Variants in FLRT2 observed in about 807,000 individuals in gnomAD.
FLRT2 encodes the protein fibronectin leucine rich transmembrane protein 2.
A neutral mutation model predicts 40.0 loss-of-function variants in FLRT2; 15 were observed. The observed-to-expected ratio is 0.38, with a 90% CI of 0.25 to 0.58. FLRT2 has a LOEUF of 0.58. FLRT2 is among the 20% of genes least tolerant of loss of function. The pLI is 0.71. For synonymous variants in FLRT2, 380 were observed against 336.8 expected, an observed-to-expected ratio of 1.13 and a Z score of -1.41; for missense variants, 726 against 840.0, an observed-to-expected ratio of 0.86 and a Z score of 1.68.
intron 1 of FLRT2, among the ~76,000 whole-genome samples, chr14:85,540,419 A>G (rs1020615189): frequency 1.3e-5 from 2 of 152,126 alleles, no homozygotes; most frequent in Non-Finnish European, 2.9e-5. Context: ...ACTATTGTCA[A>G]ATCTGAGACT....
intron 1 of FLRT2, among the ~76,000 whole-genome samples, chr14:85,568,416 T>G (rs1282719395): frequency 6.6e-6 from 1 of 152,186 alleles, no homozygotes; most frequent in Non-Finnish European, 1.5e-5. Flanking sequence ...GGACCATGTG[T>G]AAGGCGTTAA....
rs1312444126 is a variant in FLRT2, at chr14:85,648,768, C to G, written c.*25271C>G. On this transcript the variant is annotated 3_prime_UTR_variant, in exon 2 of 2. Coordinates refer to ENST00000330753, the MANE Select transcript of FLRT2 (RefSeq NM_013231.6). ...CATAGGACTCCACCAAGGATGCCAA[C>G]TCTAAGTGGTCATTTACCTCTGTGA... is the stretch of plus-strand genomic sequence containing the variant. 2.0e-5 allele frequency: 3 copies of G among 152,148 alleles called. No individual in the cohort carries two copies. The highest frequency in any genetic ancestry group is 4.4e-5 in the Non-Finnish European group (3 of 68,032). The allele number at this position is 152,148 out of a possible 1,614,324, so 9.4% of individuals were successfully genotyped here. A position where few individuals can be genotyped will look rare whatever the true frequency, so the allele number is the denominator to read the frequency against.
rs1263829616 is a variant in FLRT2, at chr14:85,622,382, A to G, written c.868A>G (p.Met290Val). The change falls in exon 2 of 2, where the codon ATG becomes GTG. Residue 290 changes from methionine (M) to valine (V), a missense_variant. Physicochemically the swap from Met to Val is conservative, Grantham distance 21. Coordinates refer to ENST00000330753, the MANE Select transcript of FLRT2 (RefSeq NM_013231.6). ...GGATATATCCAACAACCAACTGCGG[A>G]TGCTGACTCAAGGGGTTTTTGATAA... ...RLDISNNQLR[M>V]LTQGVFDNLS... The G allele has an allele frequency of 6.2e-7, 1 of 1,614,158 alleles. No homozygotes were observed.
At chr14:85,608,632 T>G (rs184606769) in intron 1 of FLRT2, among the ~76,000 whole-genome samples, 2 of 152,224 alleles carry the variant, frequency 1.3e-5, no homozygotes, top group African/African-American at 4.8e-5. Flanking sequence ...CTAGCAATAT[T>G]CGTGAGTTAA....
rs548248710 is a variant in FLRT2, at chr14:85,624,503, T to G, written c.*1006T>G. The G allele has an allele frequency of 6.0e-6, 1 of 167,198 alleles. No individual in the cohort carries two copies. Among genetic ancestry groups the G allele is most frequent in the African/African-American group, 2.4e-5 (1 of 41,586 alleles). The allele number at this position is 167,198 out of a possible 1,614,324, so 10.4% of individuals were successfully genotyped here. A position where few individuals can be genotyped will look rare whatever the true frequency, so the allele number is the denominator to read the frequency against. ...AATGTTTGGAAAATACAACAATGAC[T>G]TATTTAAAAATTACCCTTCCTGCTA... On this transcript the variant is annotated 3_prime_UTR_variant, in exon 2 of 2. Coordinates refer to ENST00000330753, the MANE Select transcript of FLRT2 (RefSeq NM_013231.6).
At chr14:85,533,729 C>T (rs1888450414) in intron 1 of FLRT2, among the ~76,000 whole-genome samples, 1 of 151,920 alleles carries the variant, frequency 6.6e-6, no homozygotes, top group African/African-American at 2.4e-5. Context: ...TGCCGCAGCT[C>T]CGTAGGGGAC....
chr14:85,585,770 T>C (rs144013289), intron 1 of FLRT2, among the ~76,000 whole-genome samples: 16 of 152,174 alleles, frequency 1.1e-4, no homozygotes, highest in Non-Finnish European at 1.6e-4. Context: ...AAAGGAGATA[T>C]AAAGCTACAA....
rs533871004 is a variant in FLRT2 at position 85,622,500 on chromosome 14, C to T, written c.986C>T (p.Pro329Leu). The T allele has an allele frequency of 6.2e-7, 1 of 1,614,022 alleles. No individual in the cohort carries two copies. The highest frequency in any genetic ancestry group is 1.1e-5 in the South Asian group (1 of 91,074). Residue 329 changes from proline (P) to leucine (L), a missense_variant, in exon 2 of 2, where the codon CCT becomes CTT. Physicochemically the swap from Pro to Leu is moderately conservative, Grantham distance 98. Transcript: ENST00000330753. ...GTCACAGAATGGCTCAAATATATCC[C>T]TTCATCTCTCAACGTGCGGGGTTTC... Reference protein sequence around the residue: ...KWVTEWLKYIPSSLNVRGFMC... With the variant: ...KWVTEWLKYILSSLNVRGFMC...
At position 85,640,907 on chromosome 14, in the gene FLRT2, C is replaced by T. The variant is rs560764464; in HGVS notation, c.*17410C>T. On this transcript the variant is annotated 3_prime_UTR_variant, in exon 2 of 2. Transcript: ENST00000330753. ...ATCGCCTCTGTGAAAATCCTGACCT[C>T]GCTTTCTTCTGGCCTTTCTTCCCCG... is the stretch of plus-strand genomic sequence containing the variant. The T allele has an allele frequency of 2.6e-5, 4 of 152,352 alleles. No individual in the cohort carries two copies. The East Asian group carries it at 5.8e-4, about 22-fold the overall frequency. 9.4% of individuals were successfully genotyped at this position (152,352 alleles called of 1,614,324 possible). A position where few individuals can be genotyped will look rare whatever the true frequency, so the allele number is the denominator to read the frequency against.
chr14:85,622,103 G>T lies in FLRT2; in HGVS notation c.589G>T (p.Asp197Tyr), dbSNP rs917154794. 2.5e-6 allele frequency: 4 copies of T among 1,614,024 alleles called. No homozygotes were observed. The South Asian group carries it at 4.4e-5, about 18-fold the overall frequency. The change falls in exon 2 of 2, where the codon GAC becomes TAC. Residue 197 changes from aspartate (D) to tyrosine (Y), a missense_variant. Around this residue, in one of 3 missense-constraint regions of FLRT2, gnomAD observed 611 missense variants for 690.0 expected, o/e 0.89. Transcript: ENST00000330753. Reference sequence around the variant, plus strand: ...TGAAAATCGAATTGCTGTCATATCCGACATGGCCTTCCAGAATCTCACGAG... The same window carrying T: ...TGAAAATCGAATTGCTGTCATATCCTACATGGCCTTCCAGAATCTCACGAG... Reference protein sequence around the residue: ...VDENRIAVISDMAFQNLTSLE... With the variant: ...VDENRIAVISYMAFQNLTSLE...
intron 1 of FLRT2, among the ~76,000 whole-genome samples, chr14:85,532,488 G>C (rs545028717): frequency 6.6e-6 from 1 of 152,312 alleles, no homozygotes; most frequent in Admixed American, 6.5e-5. Context: ...TTTGGAAAGA[G>C]ACTGCGAAGT....
chr14:85,541,003 A>G (rs1305617543), intron 1 of FLRT2, among the ~76,000 whole-genome samples: 2 of 152,158 alleles, frequency 1.3e-5, no homozygotes, highest in Non-Finnish European at 2.9e-5. Context: ...AGTCTTATGT[A>G]CTATGGGGAG....
rs914402758 is a variant in FLRT2, at chr14:85,648,848, T to G, written c.*25351T>G. ...GTTATAAGATCCAGGAATTTAATAA[T>G]TTATTTTGATAAGGACTTAACACAA... is the stretch of plus-strand genomic sequence containing the variant. On this transcript the variant is annotated 3_prime_UTR_variant, in exon 2 of 2. Transcript: ENST00000330753. The G allele has an allele frequency of 1.3e-5, 2 of 152,174 alleles. No individual in the cohort carries two copies. The highest frequency in any genetic ancestry group is 4.8e-5 in the African/African-American group (2 of 41,456). 9.4% of individuals were successfully genotyped at this position (152,174 alleles called of 1,614,324 possible).
rs1436877086 is a variant in FLRT2 at position 85,633,334 on chromosome 14, T to C, written c.*9837T>C. On this transcript the variant is annotated 3_prime_UTR_variant, in exon 2 of 2. Transcript: ENST00000330753. ...TGGTGTGTGGGATCATTGAACAACA[T>C]GGTTGAACAGAAAGAGAACAGACTT... is the stretch of plus-strand genomic sequence containing the variant. The C allele has an allele frequency of 1.3e-5, 2 of 152,054 alleles. No homozygotes were observed. Among genetic ancestry groups the C allele is most frequent in the African/African-American group, 2.4e-5 (1 of 41,398 alleles). 9.4% of individuals were successfully genotyped at this position (152,054 alleles called of 1,614,324 possible). A position where few individuals can be genotyped will look rare whatever the true frequency, so the allele number is the denominator to read the frequency against.
chr14:85,644,180 G>T lies in FLRT2; in HGVS notation c.*20683G>T, dbSNP rs1023067003. 10 of 151,996 alleles carry T rather than the reference G, an allele frequency of 6.6e-5. No individual in the cohort carries two copies. Among genetic ancestry groups the T allele is most frequent in the African/African-American group, 2.4e-4 (10 of 41,362 alleles). The allele number at this position is 151,996 out of a possible 1,614,324, so 9.4% of individuals were successfully genotyped here. On this transcript the variant is annotated 3_prime_UTR_variant, in exon 2 of 2. Coordinates refer to ENST00000330753, the MANE Select transcript of FLRT2 (RefSeq NM_013231.6). ...CTATGAAGTAGTTGGCTATGTTTTG[G>T]AGAATATACAATTAATGTAAGTTTA...
intron 1 of FLRT2, among the ~76,000 whole-genome samples, chr14:85,540,090 T>C (rs140221630): frequency 6.6e-6 from 1 of 152,310 alleles, no homozygotes; most frequent in East Asian, 1.9e-4. Context: ...AAATCATCAA[T>C]GTTTTCTGAA....
rs868652740 is a variant in FLRT2, at chr14:85,601,491, G to A, written c.-376-19648G>A. Among the ~76,000 whole-genome samples the A allele has an allele frequency of 3.9e-5, 6 of 152,182 alleles. No individual in the cohort carries two copies. The South Asian group carries it at 1.2e-3, about 32-fold the overall frequency. On this transcript the variant is annotated intron_variant, in intron 1 of 1. Transcript: ENST00000330753. ...AGACAGCAGGCTGTCCTAGCAGCTG[G>A]TGAATGGCAAGCTGCAATGGATTAA...
rs1369555092 is a variant in FLRT2 at position 85,639,452 on chromosome 14, C to G, written c.*15955C>G. 1.3e-5 allele frequency: 2 copies of G among 151,984 alleles called. No homozygotes were observed. The highest frequency in any genetic ancestry group is 1.5e-5 in the Non-Finnish European group (1 of 68,014). The allele number at this position is 151,984 out of a possible 1,614,324, so 9.4% of individuals were successfully genotyped here. On this transcript the variant is annotated 3_prime_UTR_variant, in exon 2 of 2. Coordinates refer to ENST00000330753, the MANE Select transcript of FLRT2 (RefSeq NM_013231.6). The stretch of plus-strand genomic sequence containing the variant: ...AAAGGTCATTAGGCATTCAAGGTAC[C>G]ACATTTACTTTCTACAATGCAAGTA...
At chr14:85,613,578 A>C (rs1892995532) in intron 1 of FLRT2, among the ~76,000 whole-genome samples, 1 of 152,216 alleles carries the variant, frequency 6.6e-6, no homozygotes, top group African/African-American at 2.4e-5. Flanking sequence ...AAGATGTCAA[A>C]GAGTTTTTGC....
Sources: allele counts gnomAD v4.1 joint callset (sites outside exome capture counted in the v4.1 genomes callset), GRCh38; gene constraint gnomAD v4.1.1; regional missense constraint gnomAD v4.1.1; transcripts MANE v1.5; gene names NCBI Gene and HGNC (gene_info 2026-07-23, HGNC 2026-07-21).